Variants in BCL7A observed in about 807,000 individuals in gnomAD.
BCL7A encodes the protein B-cell CLL/lymphoma 7 protein family member A.
In BCL7A, 11 loss-of-function variants were observed where a neutral mutation model predicts 28.4. That is an observed-to-expected ratio of 0.39 (90% CI 0.24 to 0.64). The LOEUF is 0.64. Among genes scored for constraint, BCL7A ranks in the 30% least tolerant of loss-of-function variants. The pLI, the probability that BCL7A is intolerant of heterozygous loss-of-function variation, is 0.50. For synonymous variants in BCL7A, 123 were observed against 103.3 expected (o/e 1.19, Z -1.15); for missense variants, 222 against 274.8 (o/e 0.81, Z 1.36).
chr12:122,030,454 C>T (rs1437240016), intron 1 of BCL7A, among the ~76,000 whole-genome samples: 1 of 152,234 alleles, frequency 6.6e-6, no homozygotes, highest in South Asian at 2.1e-4. Context: ...GTAATGGCAG[C>T]CCCACCCTCA....
chr12:122,055,420 C>T (rs1181643211), intron 5 of BCL7A, among the ~76,000 whole-genome samples: 6 of 152,172 alleles, frequency 3.9e-5, no homozygotes, highest in Admixed American at 3.9e-4. Context: ...TGCAGTGGGG[C>T]CCGGTGGTTA....
intron 4 of BCL7A, 169 bp downstream of exon 4, chr12:122,044,222 A>T: frequency 1.3e-6 from 1 of 786,856 alleles, no homozygotes; most frequent in Non-Finnish European, 1.9e-6. Flanking sequence ...TAAAAAAATC[A>T]GACAGGCCAG....
At chr12:122,025,327 A>C (rs577897323) in intron 1 of BCL7A, among the ~76,000 whole-genome samples, 5 of 151,334 alleles carry the variant, frequency 3.3e-5, no homozygotes, top group Non-Finnish European at 5.9e-5. Context: ...CCAAAAAAAA[A>C]GAAAAAGAAA....
At chr12:122,057,988 A>C (rs898874143) in intron 5 of BCL7A, among the ~76,000 whole-genome samples, 1 of 151,672 alleles carries the variant, frequency 6.6e-6, no homozygotes, top group Admixed American at 6.6e-5. Context: ...CCGGGAGTTC[A>C]AGACCAGCCT....
chr12:122,023,005 G>T (rs1883506367), intron 1 of BCL7A, among the ~76,000 whole-genome samples: 2 of 152,156 alleles, frequency 1.3e-5, no homozygotes, highest in Admixed American at 6.5e-5. Flanking sequence ...TGCGGAGGGA[G>T]CTGTTGTTTT....
rs1395322856 is a variant in BCL7A at position 122,029,064 on chromosome 12, A to G, written c.93-1636A>G. Among the ~76,000 whole-genome samples, 1 of 152,156 alleles carries G rather than the reference A, an allele frequency of 6.6e-6. No individual in the cohort carries two copies. The highest frequency in any genetic ancestry group is 1.9e-4 in the East Asian group (1 of 5,188). ...GGAGGGAGCAGAGAGGCTGGTCTCA[A>G]CAGCTGTGCTGGGTGAAGGGTTCGA... On this transcript the variant is annotated intron_variant, in intron 1 of 5. Transcript: ENST00000261822. The surrounding 1 kb of genome is among the most constrained non-coding windows in gnomAD (Gnocchi z 4.3).
chr12:122,043,734 T>G, intron 3 of BCL7A, 152 bp from the exon 4 acceptor site: 1 of 682,956 alleles, frequency 1.5e-6, no homozygotes, highest in East Asian at 3.1e-5. Context: ...GAGATCCGTC[T>G]CAAAAAAAAA....
chr12:122,055,101 G>A, intron 5 of BCL7A, 175 bp downstream of exon 5: 1 of 1,322,742 alleles, frequency 7.6e-7, no homozygotes, highest in South Asian at 1.4e-5. Context: ...GCTCTGCCTT[G>A]GGCTCTGGGG....
At position 122,021,953 on chromosome 12, in the gene BCL7A, T is replaced by TGA. The variant is rs1345247491; in HGVS notation, c.-138_-137insAG. On this transcript the variant is annotated 5_prime_UTR_variant, in exon 1 of 6. The change abolishes the stop of an existing upstream ORF in the 5' untranslated region. Coordinates refer to ENST00000261822, the MANE Select transcript of BCL7A (RefSeq NM_001024808.3). Reference sequence around the variant, plus strand: ...GTATGTGTGTGTGTGTGTGTGTGTGTGTGTGAGTGTGTGCGTGTGAGAGTG... The same window carrying TGA: ...GTATGTGTGTGTGTGTGTGTGTGTGTGAGTGTGAGTGTGTGCGTGTGAGAGTG... 1.8e-5 allele frequency: 11 copies of TGA among 596,240 alleles called. No individual in the cohort carries two copies. The East Asian group carries it at 2.5e-4, about 14-fold the overall frequency. The allele number at this position is 596,240 out of a possible 1,614,324, so 36.9% of individuals were successfully genotyped here. A position where few individuals can be genotyped will look rare whatever the true frequency, so the allele number is the denominator to read the frequency against.
At chr12:122,047,063 C>T (rs1884091888) in intron 4 of BCL7A, among the ~76,000 whole-genome samples, 1 of 151,688 alleles carries the variant, frequency 6.6e-6, no homozygotes, top group Non-Finnish European at 1.5e-5. Context: ...ACCACCACGC[C>T]CGGCTAATTT....
chr12:122,023,045 G>A (rs1883508171), intron 1 of BCL7A, among the ~76,000 whole-genome samples: 1 of 152,292 alleles, frequency 6.6e-6, no homozygotes, highest in East Asian at 1.9e-4. Context: ...AGGGGGACTT[G>A]GTGGCGGCCG....
chr12:122,036,794 G>A (rs1258010523), intron 3 of BCL7A, among the ~76,000 whole-genome samples: 2 of 151,326 alleles, frequency 1.3e-5, no homozygotes, highest in Admixed American at 1.3e-4. Context: ...CGCAACCTCC[G>A]CCTCCTGGGT....
chr12:122,022,621 AGGCTCCGAGCG>A (rs2135833396), intron 1 of BCL7A, among the ~76,000 whole-genome samples: 1 of 144,738 alleles, frequency 6.9e-6, no homozygotes, highest in East Asian at 2.1e-4. Context: ...TCCATTGTGC[AGGCTCCGAGCG>A]GGCCGCCGCC....
intron 3 of BCL7A, among the ~76,000 whole-genome samples, chr12:122,041,095 A>G (rs1055323742): frequency 1.3e-5 from 2 of 152,072 alleles, no homozygotes; most frequent in Admixed American, 1.3e-4. Flanking sequence ...TACAGTTAAA[A>G]TCAGATCCAG....
chr12:122,030,781 C>T lies in BCL7A; in HGVS notation c.174C>T (p.Asp58=), dbSNP rs2272132. ...CTGTGACGGAGCCCAAGGTTGATGACGTGAGTATGGAGGGCTGGTCCCCTG... is the reference window on the plus strand; with the variant it reads ...CTGTGACGGAGCCCAAGGTTGATGATGTGAGTATGGAGGGCTGGTCCCCTG... ...WVPVTEPKVD[D]KNKNKKKGKD... The change falls in exon 2 of 6, where the codon GAC becomes GAT. Residue 58 remains aspartate (D), a splice_region_variant and synonymous_variant. Transcript: ENST00000261822. 0.047 allele frequency: 76,260 copies of T among 1,613,316 alleles called. 2,127 individuals are homozygous for T. Among genetic ancestry groups the T allele is most frequent in the Middle Eastern group, 0.053 (318 of 6,054 alleles).
intron 5 of BCL7A, among the ~76,000 whole-genome samples, chr12:122,058,674 A>G (rs1951894974): frequency 6.6e-6 from 1 of 152,190 alleles, no homozygotes; most frequent in African/African-American, 2.4e-5. Context: ...AAAAACAAGA[A>G]CTTGGAAAGG....
At chr12:122,043,723 C>G (rs1253006434) in intron 3 of BCL7A, among the ~76,000 whole-genome samples, 163 bp from the exon 4 acceptor site, 1 of 145,870 alleles carries the variant, frequency 6.9e-6, no homozygotes, top group African/African-American at 2.6e-5. Context: ...GTTGACAGAG[C>G]GAGATCCGTC....
intron 1 of BCL7A, among the ~76,000 whole-genome samples, 158 bp downstream of exon 1, chr12:122,022,341 G>T (rs549347779): frequency 0.036 from 5,202 of 143,054 alleles, 310 homozygotes; most frequent in African/African-American, 0.12. Context: ...GGCGGGCGGC[G>T]CGCGAGCCGG....
intron 2 of BCL7A, among the ~76,000 whole-genome samples, chr12:122,031,229 G>C (rs7964912): frequency 6.6e-6 from 1 of 151,976 alleles, no homozygotes; most frequent in African/African-American, 2.4e-5. Context: ...CAGTTTCACC[G>C]TGTTGGCCAG....
Sources: allele counts gnomAD v4.1 joint callset (sites outside exome capture counted in the v4.1 genomes callset), GRCh38; gene constraint gnomAD v4.1.1; non-coding constraint Gnocchi (gnomAD v3.1); transcripts MANE v1.5; gene names NCBI Gene and HGNC (gene_info 2026-07-23, HGNC 2026-07-21).